Variants in FOXO3 observed in about 807,000 individuals in gnomAD.
FOXO3 encodes forkhead box protein O3.
FOXO3 carries 4 observed loss-of-function variants against 41.9 expected under a neutral mutation model. The ratio of observed to expected loss-of-function variants is 0.10; its 90% CI spans 0.05 to 0.22. FOXO3 has a LOEUF of 0.22. Among genes scored for constraint, FOXO3 ranks in the 10% least tolerant of loss-of-function variants. The pLI is 1.00. For missense variants in FOXO3, 534 were observed against 906.8 expected (o/e 0.59, Z 5.28); for synonymous variants, 318 against 389.3 (o/e 0.82, Z 2.16).
At chr6:108,671,974 G>T (rs1008074883) in intron 2 of FOXO3, among the ~76,000 whole-genome samples, 1 of 152,198 alleles carries the variant, frequency 6.6e-6, no homozygotes, top group African/African-American at 2.4e-5. Flanking sequence ...CAGCTGTCTG[G>T]CTTCAGCTCT....
intron 2 of FOXO3, among the ~76,000 whole-genome samples, chr6:108,677,738 G>A (rs1770671234): frequency 1.3e-5 from 2 of 152,152 alleles, no homozygotes; most frequent in South Asian, 4.1e-4. Flanking sequence ...GACTGTGCCT[G>A]TGAAACGCTA....
At chr6:108,613,244 T>C (rs1039149050) in intron 1 of FOXO3, among the ~76,000 whole-genome samples, 2 of 152,198 alleles carry the variant, frequency 1.3e-5, no homozygotes, top group African/African-American at 4.8e-5. Flanking sequence ...ACCAGGGTAA[T>C]GGTGGTCTTA....
At chr6:108,579,845 G>T (rs1047917366) in intron 1 of FOXO3, among the ~76,000 whole-genome samples, 2 of 152,106 alleles carry the variant, frequency 1.3e-5, no homozygotes, top group African/African-American at 4.8e-5. Flanking sequence ...CTCAGACCTG[G>T]AGATAATGAG....
At chr6:108,605,305 G>A (rs1562241718) in intron 1 of FOXO3, among the ~76,000 whole-genome samples, 1 of 152,126 alleles carries the variant, frequency 6.6e-6, no homozygotes, top group Non-Finnish European at 1.5e-5. Flanking sequence ...GTTTAGTAGA[G>A]ATGGGGTTTC....
intron 1 of FOXO3, among the ~76,000 whole-genome samples, chr6:108,580,244 A>C (rs1284851858): frequency 8.0e-6 from 1 of 124,452 alleles, no homozygotes; most frequent in Non-Finnish European, 1.6e-5. Flanking sequence ...GCTGGAGTGC[A>C]GTGGTGTGAT....
chr6:108,562,541 A>G (rs1234879196), intron 1 of FOXO3, among the ~76,000 whole-genome samples: 1 of 151,990 alleles, frequency 6.6e-6, no homozygotes, highest in African/African-American at 2.4e-5. Flanking sequence ...ACCTCAATCC[A>G]GACTGGCTGC....
At chr6:108,595,601 G>A (rs924519299) in intron 1 of FOXO3, among the ~76,000 whole-genome samples, 5 of 152,100 alleles carry the variant, frequency 3.3e-5, no homozygotes, top group African/African-American at 7.2e-5. Flanking sequence ...GAAGGAAGGC[G>A]ATTTGTTAAT....
chr6:108,642,089 GTTTTTTT>G (rs5878987), intron 1 of FOXO3, among the ~76,000 whole-genome samples: 1 of 134,994 alleles, frequency 7.4e-6, no homozygotes, highest in African/African-American at 2.8e-5. Flanking sequence ...TGCTTTTGGT[GTTTTTTT>G]TTTTTTTTTT....
intron 1 of FOXO3, among the ~76,000 whole-genome samples, chr6:108,658,311 G>A (rs1778747405): frequency 6.6e-6 from 1 of 152,056 alleles, no homozygotes; most frequent in Non-Finnish European, 1.5e-5. Flanking sequence ...CTGAGATTGG[G>A]GACTGTGAGA....
intron 1 of FOXO3, among the ~76,000 whole-genome samples, chr6:108,598,042 G>GA (rs1369601645): frequency 1.3e-5 from 2 of 152,128 alleles, no homozygotes; most frequent in African/African-American, 2.4e-5. Context: ...AAGCAAGCAA[G>GA]AAAAAACTTA....
At chr6:108,568,163 G>A (rs1297617146) in intron 1 of FOXO3, among the ~76,000 whole-genome samples, 1 of 151,686 alleles carries the variant, frequency 6.6e-6, no homozygotes, top group African/African-American at 2.4e-5. Context: ...CAGTGAGCAC[G>A]ACTGCACCAC....
At chr6:108,651,495 G>T (rs940390082) in intron 1 of FOXO3, among the ~76,000 whole-genome samples, 3 of 152,206 alleles carry the variant, frequency 2.0e-5, no homozygotes, top group Non-Finnish European at 4.4e-5. Flanking sequence ...AAAGAAATCA[G>T]TTGCTCTTGA....
chr6:108,669,542 A>G (rs1779155259), intron 2 of FOXO3, among the ~76,000 whole-genome samples: 1 of 152,170 alleles, frequency 6.6e-6, no homozygotes, highest in African/African-American at 2.4e-5. Context: ...CGGTTATAGT[A>G]TGCTAGCCTG....
chr6:108,628,733 G>T (rs1357312304), intron 1 of FOXO3, among the ~76,000 whole-genome samples: 1 of 152,118 alleles, frequency 6.6e-6, no homozygotes, highest in Non-Finnish European at 1.5e-5. Flanking sequence ...CTCTGCAGCC[G>T]GGTTATAGCT....
At chr6:108,677,560 G>T (rs979148728) in intron 2 of FOXO3, among the ~76,000 whole-genome samples, 2 of 152,172 alleles carry the variant, frequency 1.3e-5, no homozygotes, top group African/African-American at 4.8e-5. Flanking sequence ...GGGAACTGGA[G>T]AGAGATCTGA....
chr6:108,589,811 C>T (rs1204176294), intron 1 of FOXO3, among the ~76,000 whole-genome samples: 5 of 152,162 alleles, frequency 3.3e-5, no homozygotes. Flanking sequence ...TAGAGCCTTC[C>T]AATTGTAAGT....
chr6:108,629,715 AC>A (rs1240664761), intron 1 of FOXO3, among the ~76,000 whole-genome samples: 6 of 151,578 alleles, frequency 4.0e-5, no homozygotes, highest in South Asian at 4.2e-4. Context: ...AAAGGTATCT[AC>A]TTTGTATGTG....
At chr6:108,590,319 G>A (rs951951142) in intron 1 of FOXO3, among the ~76,000 whole-genome samples, 1 of 151,956 alleles carries the variant, frequency 6.6e-6, no homozygotes, top group African/African-American at 2.4e-5. Context: ...AATACAGATT[G>A]AGCATCCCTA....
At chr6:108,583,953 T>C (rs1413853087) in intron 1 of FOXO3, among the ~76,000 whole-genome samples, 1 of 152,092 alleles carries the variant, frequency 6.6e-6, no homozygotes, top group Non-Finnish European at 1.5e-5. Context: ...CCTTCAGCAG[T>C]ATGGGTTGGT....
Sources: allele counts gnomAD v4.1 joint callset (sites outside exome capture counted in the v4.1 genomes callset), GRCh38; gene constraint gnomAD v4.1.1; transcripts MANE v1.5; gene names NCBI Gene and HGNC (gene_info 2026-07-23, HGNC 2026-07-21).